PCDH11X: variants seen among roughly 807,000 people sequenced by gnomAD.
The protein encoded by PCDH11X is protocadherin 11 X-linked, also known as protocadherin-11 X-linked.
A neutral mutation model predicts 53.3 loss-of-function variants in PCDH11X; 18 were observed. That is an observed-to-expected ratio of 0.34 (90% CI 0.23 to 0.50). PCDH11X has a LOEUF of 0.50. Ranked by LOEUF, PCDH11X falls within the 20% of genes least tolerant of loss-of-function variation. The pLI, the probability that PCDH11X is intolerant of heterozygous loss-of-function variation, is 0.98. For synonymous variants in PCDH11X, 279 were observed against 393.3 expected (o/e 0.71, Z 3.44); for missense variants, 570 against 1,032.4 (o/e 0.55, Z 6.14).
At chrX:92,537,300 C>T (rs764629577) in intron 10 of PCDH11X, among the ~76,000 whole-genome samples, 1 of 107,444 alleles carries the variant, frequency 9.3e-6, no homozygotes, top group African/African-American at 3.4e-5. Context: ...GAAGATTTTC[C>T]CCCCCAAAAG....
intron 9 of PCDH11X, among the ~76,000 whole-genome samples, chrX:92,403,623 T>C (rs920321547): frequency 9.0e-6 from 1 of 110,647 alleles, no homozygotes; most frequent in African/African-American, 3.3e-5. Flanking sequence ...CTTTCAGCGT[T>C]TAGTTTCCCA....
chrX:92,080,822 C>T (rs770231931), intron 6 of PCDH11X, among the ~76,000 whole-genome samples: 167 of 111,023 alleles, frequency 1.5e-3, no homozygotes, highest in Non-Finnish European at 2.7e-3. Context: ...CAAGGCAAAG[C>T]GGCTTTGGCT....
chrX:92,559,847 T>C (rs2075106732), intron 10 of PCDH11X, among the ~76,000 whole-genome samples: 1 of 109,927 alleles, frequency 9.1e-6, no homozygotes, highest in African/African-American at 3.3e-5. Flanking sequence ...TTGCTCGGGG[T>C]TTCTAGGTAA....
intron 10 of PCDH11X, among the ~76,000 whole-genome samples, chrX:92,505,152 C>CTTTTTTTTTTT (rs58620449): frequency 7.3e-4 from 47 of 64,236 alleles, no homozygotes; most frequent in African/African-American, 1.6e-3. Context: ...TTTCTTTTTT[C>CTTTTTTTTTTT]TTTTTTTTTT....
At chrX:91,978,176 C>A (rs903342544) in intron 6 of PCDH11X, among the ~76,000 whole-genome samples, 1 of 110,763 alleles carries the variant, frequency 9.0e-6, no homozygotes, top group Non-Finnish European at 1.9e-5. Flanking sequence ...CCACAACATA[C>A]ACCAAGAGCT....
Position 92,234,187 on chromosome X carries a change from A to G in PCDH11X, c.3115-28927A>G, listed in dbSNP as rs1356358873. On this transcript the variant is annotated intron_variant, in intron 7 of 10. Coordinates refer to ENST00000682573, the MANE Select transcript of PCDH11X (RefSeq NM_032968.5). ...CAATATAAGCTTGACAACACTGAATAGCTTAATCTTCATCTTTGCTTGTCT... is the reference window on the plus strand; with the variant it reads ...CAATATAAGCTTGACAACACTGAATGGCTTAATCTTCATCTTTGCTTGTCT... Among the ~76,000 whole-genome samples the G allele has an allele frequency of 5.3e-5, 6 of 112,572 alleles. No homozygotes were observed. The South Asian group carries it at 1.1e-3, about 21-fold the overall frequency.
chrX:92,411,255 T>C (rs190019112), intron 9 of PCDH11X, among the ~76,000 whole-genome samples: 1 of 111,062 alleles, frequency 9.0e-6, no homozygotes, highest in East Asian at 2.8e-4. Context: ...GGCTAACCTA[T>C]GTTATTGTAC....
At chrX:92,322,647 A>C (rs2069241833) in intron 8 of PCDH11X, among the ~76,000 whole-genome samples, 1 of 111,737 alleles carries the variant, frequency 8.9e-6, no homozygotes. Flanking sequence ...AGTAGTTACA[A>C]GAAGTGTTTC....
intron 10 of PCDH11X, among the ~76,000 whole-genome samples, chrX:92,610,255 G>A (rs1239664688): frequency 5.4e-5 from 6 of 111,588 alleles, no homozygotes; most frequent in Non-Finnish European, 7.6e-5. Context: ...CTTTGTCAGC[G>A]TCTGTTGTTT....
chrX:92,473,037 G>T (rs1423409408), intron 10 of PCDH11X, among the ~76,000 whole-genome samples: 34 of 103,448 alleles, frequency 3.3e-4, no homozygotes, highest in Admixed American at 1.3e-3. Context: ...TGTGTTTTTT[G>T]TTTGTTTTTT....
intron 4 of PCDH11X, among the ~76,000 whole-genome samples, chrX:91,816,963 A>T (rs951754606): frequency 9.5e-6 from 1 of 105,477 alleles, no homozygotes; most frequent in Non-Finnish European, 1.9e-5. Flanking sequence ...CATATTCTTC[A>T]TACTATCTGT....
chrX:92,580,184 T>C (rs1276707413), intron 10 of PCDH11X, among the ~76,000 whole-genome samples: 1 of 106,298 alleles, frequency 9.4e-6, no homozygotes, highest in Non-Finnish European at 1.9e-5. Context: ...AGGTGTCTGG[T>C]GACCCCTGTT....
At chrX:91,828,269 G>A (rs1162722241) in intron 4 of PCDH11X, among the ~76,000 whole-genome samples, 10 of 109,362 alleles carry the variant, frequency 9.1e-5, no homozygotes, top group African/African-American at 2.3e-4. Context: ...ACAGGCGCCC[G>A]CCACCACGCC....
chrX:92,597,831 A>G (rs1925797620), intron 10 of PCDH11X, among the ~76,000 whole-genome samples: 1 of 111,788 alleles, frequency 8.9e-6, no homozygotes, highest in African/African-American at 3.3e-5. Flanking sequence ...AAACAGACAC[A>G]TAGACCAAAG....
chrX:92,260,023 C>T (rs781532300), intron 7 of PCDH11X, among the ~76,000 whole-genome samples: 12 of 110,691 alleles, frequency 1.1e-4, no homozygotes, highest in Non-Finnish European at 2.3e-4. Flanking sequence ...TGGAAGTGAT[C>T]TCCTTTGGTG....
At chrX:92,208,595 C>A in intron 7 of PCDH11X, among the ~76,000 whole-genome samples, 1 of 88,038 alleles carries the variant, frequency 1.1e-5, no homozygotes. Flanking sequence ...TTCTATTCAG[C>A]TAGAAGAACA....
rs759452242 is a variant in PCDH11X, at chrX:91,823,755, G to T, written c.-44-11706G>T. Among the ~76,000 whole-genome samples the T allele has an allele frequency of 2.1e-3, 236 of 111,257 alleles. No homozygotes were observed. The South Asian group carries it at 0.028, about 13-fold the overall frequency. On this transcript the variant is annotated intron_variant, in intron 4 of 10. Coordinates refer to ENST00000682573, the MANE Select transcript of PCDH11X (RefSeq NM_032968.5). Reference sequence around the variant, plus strand: ...GTTATTTTGCTTGTTAGTTGATGCAGTTTTTTTCTAGTCTCGATAGTCTTT... The same window carrying T: ...GTTATTTTGCTTGTTAGTTGATGCATTTTTTTTCTAGTCTCGATAGTCTTT...
chrX:91,902,268 C>T (rs1020472999), intron 6 of PCDH11X, among the ~76,000 whole-genome samples: 4 of 110,453 alleles, frequency 3.6e-5, no homozygotes, highest in South Asian at 3.9e-4. Context: ...TCTATCCCCT[C>T]CATTCACTAC....
intron 10 of PCDH11X, among the ~76,000 whole-genome samples, chrX:92,471,282 C>T (rs1298333526): frequency 2.8e-5 from 3 of 107,317 alleles, no homozygotes; most frequent in Non-Finnish European, 5.8e-5. Flanking sequence ...CTCCAAGAGA[C>T]CCCAGTGTGT....
Sources: allele counts gnomAD v4.1 joint callset (sites outside exome capture counted in the v4.1 genomes callset), GRCh38; gene constraint gnomAD v4.1.1; transcripts MANE v1.5; gene names NCBI Gene and HGNC (gene_info 2026-07-23, HGNC 2026-07-21).